The following SAMTOR variants were observed in gnomAD, a reference collection of about 807,000 sequenced individuals.
SAMTOR encodes S-adenosylmethionine sensor upstream of mTORC1.
chr7:112,873,890 G>A, the SAMTOR span, among the ~76,000 whole-genome samples: 1 of 152,044 alleles, frequency 6.6e-6, no homozygotes, highest in Non-Finnish European at 1.5e-5. Context: ...TAAAAAGTGG[G>A]CTAAGGACAT....
chr7:112,848,175 GAC>G, the SAMTOR span, among the ~76,000 whole-genome samples: 1 of 151,910 alleles, frequency 6.6e-6, no homozygotes, highest in South Asian at 2.1e-4. Context: ...TCTTCTGAAA[GAC>G]AATAAATAAT....
At chr7:112,934,695 C>T in the SAMTOR span, among the ~76,000 whole-genome samples, 1 of 152,140 alleles carries the variant, frequency 6.6e-6, no homozygotes, top group African/African-American at 2.4e-5. Flanking sequence ...TTTATATATA[C>T]AGATGTCTGT....
At chr7:112,936,605 T>C in the SAMTOR span, among the ~76,000 whole-genome samples, 1 of 152,122 alleles carries the variant, frequency 6.6e-6, no homozygotes, top group Non-Finnish European at 1.5e-5. Flanking sequence ...CAACACAACT[T>C]ATTTTCATTG....
the SAMTOR span, among the ~76,000 whole-genome samples, chr7:112,916,512 T>C: frequency 6.6e-6 from 1 of 152,144 alleles, no homozygotes; most frequent in South Asian, 2.1e-4. Flanking sequence ...CCAGCGTGAC[T>C]GAAGCAGAAG....
the SAMTOR span, among the ~76,000 whole-genome samples, chr7:112,934,563 T>G: frequency 6.6e-6 from 1 of 152,252 alleles, no homozygotes; most frequent in African/African-American, 2.4e-5. Context: ...TCATCACTAC[T>G]GTTATTTAAG....
the SAMTOR span, among the ~76,000 whole-genome samples, chr7:112,836,536 A>C: frequency 6.6e-6 from 1 of 152,126 alleles, no homozygotes; most frequent in African/African-American, 2.4e-5. Flanking sequence ...TCTTTGTCAT[A>C]ATCTTTCCCA....
chr7:112,929,520 T>C, the SAMTOR span, among the ~76,000 whole-genome samples: 1 of 152,026 alleles, frequency 6.6e-6, no homozygotes, highest in Non-Finnish European at 1.5e-5. Flanking sequence ...CAAAACAGTA[T>C]GGAGGTTCCT....
chr7:112,879,732 T>C, the SAMTOR span, among the ~76,000 whole-genome samples: 1 of 152,160 alleles, frequency 6.6e-6, no homozygotes, highest in Non-Finnish European at 1.5e-5. Flanking sequence ...ATTTTCAGAT[T>C]TGGAGTGCTC....
the SAMTOR span, among the ~76,000 whole-genome samples, chr7:112,937,320 C>T: frequency 6.6e-6 from 1 of 152,108 alleles, no homozygotes; most frequent in African/African-American, 2.4e-5. Context: ...GGTACAGTTT[C>T]CATAGTTATT....
the SAMTOR span, among the ~76,000 whole-genome samples, chr7:112,935,661 C>A: frequency 6.6e-6 from 1 of 151,838 alleles, no homozygotes; most frequent in East Asian, 1.9e-4. Flanking sequence ...GTATGCAGAA[C>A]AAGTAAATTC....
the SAMTOR span, among the ~76,000 whole-genome samples, chr7:112,906,573 C>CTTTTT: frequency 6.9e-6 from 1 of 144,518 alleles, no homozygotes; most frequent in Non-Finnish European, 1.5e-5. Flanking sequence ...AAAGACATAT[C>CTTTTT]TTTTTTTTTT....
At chr7:112,865,895 C>A in the SAMTOR span, among the ~76,000 whole-genome samples, 3 of 150,242 alleles carry the variant, frequency 2.0e-5, no homozygotes, top group African/African-American at 7.3e-5. Context: ...CAGGAGTCCA[C>A]TATGATGAGC....
chr7:112,862,745 A>G, the SAMTOR span, among the ~76,000 whole-genome samples: 2 of 152,268 alleles, frequency 1.3e-5, no homozygotes, highest in South Asian at 2.1e-4. Flanking sequence ...CCTGGCCAAC[A>G]TGGGGAAACC....
At chr7:112,887,271 A>G in the SAMTOR span, among the ~76,000 whole-genome samples, 1 of 151,194 alleles carries the variant, frequency 6.6e-6, no homozygotes, top group Admixed American at 6.6e-5. Flanking sequence ...AAATTCTCCA[A>G]TGTCCTACTG....
the SAMTOR span, among the ~76,000 whole-genome samples, chr7:112,930,085 A>G: frequency 1.3e-5 from 2 of 152,288 alleles, no homozygotes; most frequent in East Asian, 1.9e-4. Flanking sequence ...ACGGGCCCTA[A>G]GATGCCTTAT....
the SAMTOR span, among the ~76,000 whole-genome samples, chr7:112,901,594 C>T: frequency 6.6e-6 from 1 of 152,234 alleles, no homozygotes; most frequent in South Asian, 2.1e-4. Context: ...CCTGCTTCCA[C>T]TCCAGTCAAT....
At chr7:112,866,586 G>T in the SAMTOR span, among the ~76,000 whole-genome samples, 4 of 152,336 alleles carry the variant, frequency 2.6e-5, no homozygotes, top group Admixed American at 2.6e-4. Context: ...CTACACAGCA[G>T]TTGCCTGGTA....
At chr7:112,832,097 C>T in the SAMTOR span, among the ~76,000 whole-genome samples, 1 of 151,678 alleles carries the variant, frequency 6.6e-6, no homozygotes. Flanking sequence ...CTGCCACCTC[C>T]GCCTCCCGGG....
chr7:112,930,038 C>CAA, the SAMTOR span, among the ~76,000 whole-genome samples: 2 of 152,110 alleles, frequency 1.3e-5, no homozygotes, highest in Admixed American at 6.5e-5. Context: ...AAATTCAGAA[C>CAA]AATTTATTTG....
Sources: allele counts gnomAD v4.1 joint callset (sites outside exome capture counted in the v4.1 genomes callset), GRCh38; gene constraint gnomAD v4.1.1; transcripts MANE v1.5; gene names NCBI Gene and HGNC (gene_info 2026-07-23, HGNC 2026-07-21).